The following KIRREL3 variants were observed in gnomAD, a reference collection of about 807,000 sequenced individuals.
The protein encoded by KIRREL3 is kirre like nephrin family adhesion molecule 3.
A neutral mutation model predicts 89.7 loss-of-function variants in KIRREL3; 36 were observed. That is an observed-to-expected ratio of 0.40 (90% CI 0.31 to 0.53). The LOEUF is 0.53. Ranked by LOEUF, KIRREL3 falls within the 20% of genes least tolerant of loss-of-function variation. KIRREL3 has a pLI of 0.49. For missense variants in KIRREL3, 864 were observed against 1,056.6 expected (o/e 0.82, Z 2.53); for synonymous variants, 445 against 441.4 (o/e 1.01, Z -0.10).
At chr11:126,790,893 G>A (rs575872334) in intron 1 of KIRREL3, among the ~76,000 whole-genome samples, 19 of 152,228 alleles carry the variant, frequency 1.2e-4, no homozygotes, top group East Asian at 9.7e-4. Flanking sequence ...GGCAAATGAC[G>A]GATGGAACCG....
intron 1 of KIRREL3, among the ~76,000 whole-genome samples, chr11:126,731,889 AG>A (rs1188508877): frequency 1.3e-5 from 2 of 152,248 alleles, no homozygotes. Context: ...GGATTGTAAA[AG>A]AAAGACGCTG....
At chr11:126,673,030 T>C (rs766868291) in intron 1 of KIRREL3, among the ~76,000 whole-genome samples, 1 of 152,080 alleles carries the variant, frequency 6.6e-6, no homozygotes, top group Non-Finnish European at 1.5e-5. Context: ...CTGGGGAAAA[T>C]ATTAAAGACA....
intron 1 of KIRREL3, chr11:126,936,451 G>A (rs73014687): frequency 0.19 from 29,324 of 151,200 alleles, 3,011 homozygotes; most frequent in Middle Eastern, 0.26. Context: ...GTTCACGGCA[G>A]CATTATTCAT....
intron 4 of KIRREL3, among the ~76,000 whole-genome samples, chr11:126,506,580 G>A (rs1026771389): frequency 6.6e-6 from 1 of 152,182 alleles, no homozygotes; most frequent in African/African-American, 2.4e-5. Context: ...TGTTGGCAAG[G>A]ATGTAGAGAA....
At position 126,995,467 on chromosome 11, in the gene KIRREL3, AAGGTCATC is replaced by A. The variant is rs1950157497; in HGVS notation, c.55+4980_55+4987del. On this transcript the variant is annotated intron_variant, in intron 1 of 16. Transcript: ENST00000525144. The surrounding 1 kb of genome is among the most constrained non-coding windows in gnomAD (Gnocchi z 6.5). ...AAAACGCCTGCACTGTTTTTCACCT[AAGGTCATC>A]TCGACAATTTACAAGGATAAGGATT... The A allele has an allele frequency of 2.6e-6, 1 of 381,334 alleles. No individual in the cohort carries two copies. The highest frequency in any genetic ancestry group is 2.1e-5 in the African/African-American group (1 of 47,262). The allele number at this position is 381,334 out of a possible 1,614,324, so 23.6% of individuals were successfully genotyped here.
intron 1 of KIRREL3, among the ~76,000 whole-genome samples, chr11:126,885,671 C>G (rs979018552): frequency 6.6e-6 from 1 of 152,118 alleles, no homozygotes; most frequent in African/African-American, 2.4e-5. Flanking sequence ...TTCATGGTTA[C>G]TGGGCATCCC....
rs1022138260 is a variant in KIRREL3, at chr11:126,924,098, G to A, written c.55+76357C>T. Among the ~76,000 whole-genome samples the A allele has an allele frequency of 7.9e-5, 12 of 152,174 alleles. No individual in the cohort carries two copies. Among genetic ancestry groups the A allele is most frequent in the East Asian group, 3.9e-4 (2 of 5,178 alleles). On this transcript the variant is annotated intron_variant, in intron 1 of 16. Transcript: ENST00000525144. The surrounding 1 kb of genome is among the most constrained non-coding windows in gnomAD (Gnocchi z 4.7). ...GTTCATCTCTCTATTCCCAGTACTC[G>A]TCATAGCGCCTTGTAGACACTTGAT...
intron 1 of KIRREL3, among the ~76,000 whole-genome samples, chr11:126,657,092 T>A (rs1254170027): frequency 6.6e-6 from 1 of 151,922 alleles, no homozygotes; most frequent in Non-Finnish European, 1.5e-5. Flanking sequence ...AAAAAATAAA[T>A]GAAACCATGA....
chr11:126,790,636 G>T (rs1306968036), intron 1 of KIRREL3, among the ~76,000 whole-genome samples: 1 of 152,138 alleles, frequency 6.6e-6, no homozygotes, highest in African/African-American at 2.4e-5. Context: ...CACCAAGCTT[G>T]AGGTGAACGT....
rs887204570 is a variant in KIRREL3 at position 126,455,176 on chromosome 11, C to T, written c.848+1173G>A. 5.9e-5 allele frequency among the ~76,000 whole-genome samples: 9 copies of T among 152,206 alleles called. No individual in the cohort carries two copies. Among genetic ancestry groups the T allele is most frequent in the East Asian group, 3.9e-4 (2 of 5,186 alleles). On this transcript the variant is annotated intron_variant, in intron 7 of 16. Coordinates refer to ENST00000525144, the MANE Select transcript of KIRREL3 (RefSeq NM_032531.4). This position sits in a 1 kb window ranked among gnomAD's most constrained non-coding sequence, Gnocchi z 6.4. ...CAATGGCAGAGGTGACACCTGGGCT[C>T]CACCACTAAGCCTGGTCTGGTGGAA...
rs1242516933 is a variant in KIRREL3 at position 126,508,832 on chromosome 11, A to G, written c.433+12483T>C. ...CCTGGCAGAGCTGGTCAGAGGGCAG[A>G]TGAAGGCATGCGAGTGGGTTCCTCA... On this transcript the variant is annotated intron_variant, in intron 4 of 16. Transcript: ENST00000525144. This position sits in a 1 kb window ranked among gnomAD's most constrained non-coding sequence, Gnocchi z 4.9. 6.6e-6 allele frequency among the ~76,000 whole-genome samples: 1 copy of G among 152,158 alleles called. No homozygotes were observed. The highest frequency in any genetic ancestry group is 1.5e-5 in the Non-Finnish European group (1 of 68,018).
At position 126,562,783 on chromosome 11, in the gene KIRREL3, G is replaced by C; in HGVS notation, c.133+52C>G. ...TCCTCTGTCCTGTGGCTGTAGGGGA[G>C]AGCTTCCTCCCTCCAGATTACTCCC... On this transcript the variant is annotated intron_variant, in intron 2 of 16. Transcript: ENST00000525144. The surrounding 1 kb of genome is among the most constrained non-coding windows in gnomAD (Gnocchi z 4.7). 6.8e-7 allele frequency: 1 copy of C among 1,481,316 alleles called. No homozygotes were observed. The highest frequency in any genetic ancestry group is 1.1e-5 in the South Asian group (1 of 87,924). 91.8% of individuals were successfully genotyped at this position (1,481,316 alleles called of 1,614,324 possible). A position where few individuals can be genotyped will look rare whatever the true frequency, so the allele number is the denominator to read the frequency against.
At chr11:126,688,079 G>A (rs115310161) in intron 1 of KIRREL3, among the ~76,000 whole-genome samples, 2,473 of 152,292 alleles carry the variant, frequency 0.016, 61 homozygotes, top group African/African-American at 0.057. Context: ...TGTCAATTCC[G>A]AGAGGCCTAA....
chr11:126,488,306 C>A (rs1218334699), intron 4 of KIRREL3, among the ~76,000 whole-genome samples: 1 of 152,258 alleles, frequency 6.6e-6, no homozygotes, highest in Non-Finnish European at 1.5e-5. Flanking sequence ...AAGGGCACAG[C>A]CTTTGCTCTC....
chr11:126,923,136 T>C (rs55825775), intron 1 of KIRREL3, among the ~76,000 whole-genome samples: 3,710 of 18,024 alleles, frequency 0.21, 639 homozygotes, highest in Middle Eastern at 0.38. Flanking sequence ...CTTCTCTTCT[T>C]CTTCTTCTTC....
chr11:126,426,921 C>T (rs35257264), intron 15 of KIRREL3, among the ~76,000 whole-genome samples: 2,011 of 152,330 alleles, frequency 0.013, 18 homozygotes, highest in Non-Finnish European at 0.023. Flanking sequence ...AAGTCTGCCC[C>T]TTCTTGCAGA....
rs1944536277 is a variant in KIRREL3 at position 126,643,132 on chromosome 11, A to G, written c.56-80220T>C. Among the ~76,000 whole-genome samples the G allele has an allele frequency of 1.3e-5, 2 of 152,196 alleles. No individual in the cohort carries two copies. Among genetic ancestry groups the G allele is most frequent in the South Asian group, 2.1e-4 (1 of 4,824 alleles). On this transcript the variant is annotated intron_variant, in intron 1 of 16. Coordinates refer to ENST00000525144, the MANE Select transcript of KIRREL3 (RefSeq NM_032531.4). The surrounding 1 kb of genome is among the most constrained non-coding windows in gnomAD (Gnocchi z 4.5). ...TGAGTCTGCCACTTACTAATTCTGT[A>G]ATATTGGGCAGAAAATGTAAACAAG... is the stretch of plus-strand genomic sequence containing the variant.
chr11:126,892,141 CAAT>C lies in KIRREL3; in HGVS notation c.55+108311_55+108313del, dbSNP rs1167262096. ...CCTCAATGGCTTCTTGGTGATCTTC[CAAT>C]AATTTTTAGCAGTAGAAGCTTTCCT... On this transcript the variant is annotated intron_variant, in intron 1 of 16. Transcript: ENST00000525144. The surrounding 1 kb of genome is among the most constrained non-coding windows in gnomAD (Gnocchi z 5.4). 1.3e-5 allele frequency among the ~76,000 whole-genome samples: 2 copies of C among 152,122 alleles called. No homozygotes were observed. The highest frequency in any genetic ancestry group is 2.4e-5 in the African/African-American group (1 of 41,428).
In KIRREL3 at chr11:126,496,329, T is replaced by C. The variant is rs983260213; in HGVS notation, c.434-22863A>G. Among the ~76,000 whole-genome samples the C allele has an allele frequency of 2.0e-5, 3 of 152,194 alleles. No individual in the cohort carries two copies. The highest frequency in any genetic ancestry group is 6.5e-5 in the Admixed American group (1 of 15,274). On this transcript the variant is annotated intron_variant, in intron 4 of 16. Coordinates refer to ENST00000525144, the MANE Select transcript of KIRREL3 (RefSeq NM_032531.4). The surrounding 1 kb of genome is among the most constrained non-coding windows in gnomAD (Gnocchi z 4.9). ...TCTTTACCAGAACCCTGAACACTGG[T>C]AAGGCAGGCATTCTTAGTCCTCACT...
Sources: allele counts gnomAD v4.1 joint callset (sites outside exome capture counted in the v4.1 genomes callset), GRCh38; gene constraint gnomAD v4.1.1; non-coding constraint Gnocchi (gnomAD v3.1); transcripts MANE v1.5; gene names NCBI Gene and HGNC (gene_info 2026-07-23, HGNC 2026-07-21).